Variants in VDAC3 observed in about 807,000 individuals in gnomAD.
The protein encoded by VDAC3 is voltage dependent anion channel 3.
A neutral mutation model predicts 33.9 loss-of-function variants in VDAC3; 7 were observed. That is an observed-to-expected ratio of 0.21 (90% CI 0.12 to 0.39). VDAC3 has a LOEUF of 0.39. VDAC3 is among the 10% of genes least tolerant of loss of function. The pLI is 1.00. For missense variants in VDAC3, 261 were observed against 334.5 expected, an observed-to-expected ratio of 0.78 and a Z score of 1.71; for synonymous variants, 100 against 122.4, an observed-to-expected ratio of 0.82 and a Z score of 1.21.
intron 4 of VDAC3, chr8:42,397,392 G>A (rs1344702968): frequency 6.6e-6 from 1 of 152,192 alleles, no homozygotes; most frequent in Non-Finnish European, 1.5e-5. Flanking sequence ...TGTAGAACTA[G>A]AGTTAGGGGA....
intron 5 of VDAC3, 159 bp from the exon 6 acceptor site, chr8:42,399,492 G>A (rs890121108): frequency 1.1e-5 from 6 of 551,026 alleles, no homozygotes; most frequent in African/African-American, 1.9e-5. Flanking sequence ...TGAGGGGACA[G>A]GAGGATGGAG....
chr8:42,394,219 A>G lies in VDAC3; in HGVS notation c.8A>G (p.Asn3Ser). MC[N>S]TPTYCDLGKA... ...TGTTTTTCTTTATAAGATATGTGTA[A>G]CACACCAACGTACTGTGACCTAGGA... Residue 3 changes from asparagine to serine, a missense_variant, in exon 3 of 10, where the codon AAC (asparagine) becomes AGC (serine). By Grantham distance (46) the Asn-to-Ser change is conservative (BLOSUM62 1). Transcript: ENST00000022615. 5 of 1,613,778 alleles carry G rather than the reference A, an allele frequency of 3.1e-6. No individual in the cohort carries two copies. Among genetic ancestry groups the G allele is most frequent in the Non-Finnish European group, 3.4e-6 (4 of 1,179,758 alleles).
chr8:42,403,531 T>G, intron 8 of VDAC3, 70 bp downstream of exon 8: 1 of 1,426,046 alleles, frequency 7.0e-7, no homozygotes, highest in Non-Finnish European at 9.5e-7. Context: ...TGTTGTGATA[T>G]GAGTGTAGTT....
chr8:42,404,782 G>A, intron 8 of VDAC3, 85 bp from the exon 9 acceptor site: 2 of 1,166,814 alleles, frequency 1.7e-6, no homozygotes, highest in East Asian at 2.5e-5. Context: ...TTTTAGCATT[G>A]GAAACCTAAT....
intron 6 of VDAC3, among the ~76,000 whole-genome samples, chr8:42,400,697 T>TG (rs1802401611): frequency 7.3e-6 from 1 of 137,146 alleles, no homozygotes; most frequent in East Asian, 2.1e-4. Flanking sequence ...TTTTTTTTTT[T>TG]GAGATGGAGT....
rs1456342332 is a variant in VDAC3 at position 42,404,816 on chromosome 8, A to G, written c.703-51A>G. ...ATGCACAAAGTGATGGTTATATTGG[A>G]CTGATCTGTAATTCACTGTTTTCTG... On this transcript the variant is annotated intron_variant, in intron 8 of 9. Coordinates refer to ENST00000022615, the MANE Select transcript of VDAC3 (RefSeq NM_005662.7). 2.0e-6 allele frequency: 3 copies of G among 1,504,928 alleles called. No individual in the cohort carries two copies. In the South Asian group the frequency reaches 3.4e-5, roughly 17 times the overall value. The allele number at this position is 1,504,928 out of a possible 1,614,324, so 93.2% of individuals were successfully genotyped here.
rs1563424275 is a variant in VDAC3 at position 42,405,678 on chromosome 8, C to T, written c.*216C>T. 6.0e-6 allele frequency: 3 copies of T among 502,960 alleles called. No homozygotes were observed. Among genetic ancestry groups the T allele is most frequent in the South Asian group, 2.3e-5 (1 of 43,934 alleles). The allele number at this position is 502,960 out of a possible 1,614,324, so 31.2% of individuals were successfully genotyped here. ...CCTGGAAGTTGTCATGTTTGTGCCA[C>T]GTTTCAGTTCAGTTCTGAAGTGTTA... On this transcript the variant is annotated 3_prime_UTR_variant, in exon 10 of 10. Coordinates refer to ENST00000022615, the MANE Select transcript of VDAC3 (RefSeq NM_005662.7).
rs925674402 is a variant in VDAC3, at chr8:42,405,741, A to G, written c.*279A>G. The G allele has an allele frequency of 3.2e-6, 1 of 316,208 alleles. No individual in the cohort carries two copies. Among genetic ancestry groups the G allele is most frequent in the Non-Finnish European group, 5.9e-6 (1 of 169,298 alleles). 19.6% of individuals were successfully genotyped at this position (316,208 alleles called of 1,614,324 possible). On this transcript the variant is annotated 3_prime_UTR_variant, in exon 10 of 10. Coordinates refer to ENST00000022615, the MANE Select transcript of VDAC3 (RefSeq NM_005662.7). ...CTCAGCGACAGTGTAGCGTCATGTT[A>G]GAGGAGACGATCTGACCCACCAGTT...
At chr8:42,393,478 T>C (rs1316220857) in intron 1 of VDAC3, among the ~76,000 whole-genome samples, 1 of 152,196 alleles carries the variant, frequency 6.6e-6, no homozygotes, top group Admixed American at 6.5e-5. Context: ...ATCAGCAGTG[T>C]TGATAGCTCT....
At chr8:42,405,042 T>C (rs918653510) in intron 9 of VDAC3, 118 bp downstream of exon 9, 1 of 938,294 alleles carries the variant, frequency 1.1e-6, no homozygotes, top group African/African-American at 1.7e-5. Flanking sequence ...TTTTGTAACA[T>C]TTGGTTGTTC....
At chr8:42,404,791 A>G (rs1224433458) in intron 8 of VDAC3, 76 bp from the exon 9 acceptor site, 10 of 1,297,840 alleles carry the variant, frequency 7.7e-6, no homozygotes, top group Non-Finnish European at 1.1e-5. Flanking sequence ...TGGAAACCTA[A>G]TGCACAAAGT....
chr8:42,400,426 T>C (rs1465395086), intron 6 of VDAC3, among the ~76,000 whole-genome samples: 12 of 152,020 alleles, frequency 7.9e-5, no homozygotes, highest in Non-Finnish European at 1.8e-4. Context: ...GGCTCTCAGA[T>C]GCTATAATGA....
Position 42,394,274 on chromosome 8 carries a change from A to T in VDAC3, c.63A>T (p.Gly21=), listed in dbSNP as rs570321186. The stretch of plus-strand genomic sequence containing the variant: ...CTGCTAAGGATGTCTTCAACAAAGG[A>T]TATGGTAAGTATGCTATTGTAACTT... The part of the protein sequence containing the change: ...GKAAKDVFNK[G]YGFGMVKIDL... The change falls in exon 3 of 10, where the codon GGA becomes GGT. Residue 21 remains glycine (G), a synonymous_variant. Coordinates refer to ENST00000022615, the MANE Select transcript of VDAC3 (RefSeq NM_005662.7). 3.1e-6 allele frequency: 5 copies of T among 1,613,198 alleles called. No homozygotes were observed. In the South Asian group the frequency reaches 3.3e-5, roughly 11 times the overall value.
At chr8:42,400,673 CTTT>C (rs1188886241) in intron 6 of VDAC3, among the ~76,000 whole-genome samples, 1 of 72,310 alleles carries the variant, frequency 1.4e-5, no homozygotes, top group South Asian at 5.1e-4. Flanking sequence ...ATATTCTTTT[CTTT>C]TTTTTTTTTT....
At chr8:42,398,935 A>C (rs1802368172) in intron 5 of VDAC3, 71 bp downstream of exon 5, 2 of 1,548,772 alleles carry the variant, frequency 1.3e-6, no homozygotes, top group African/African-American at 1.4e-5. Flanking sequence ...ACATACCCCA[A>C]ATATAATCAA....
Position 42,405,607 on chromosome 8 carries a change from G to A in VDAC3, c.*145G>A. ...GAATTGTAATCCTCCCCACACTGAAGTCTAGGGGTTGCGAATCCCTCCTGA... is the reference window on the plus strand; with the variant it reads ...GAATTGTAATCCTCCCCACACTGAAATCTAGGGGTTGCGAATCCCTCCTGA... On this transcript the variant is annotated 3_prime_UTR_variant, in exon 10 of 10. Coordinates refer to ENST00000022615, the MANE Select transcript of VDAC3 (RefSeq NM_005662.7). The A allele has an allele frequency of 1.5e-6, 1 of 680,942 alleles. No homozygotes were observed. Among genetic ancestry groups the A allele is most frequent in the Non-Finnish European group, 2.5e-6 (1 of 404,906 alleles). The allele number at this position is 680,942 out of a possible 1,614,324, so 42.2% of individuals were successfully genotyped here.
intron 5 of VDAC3, 89 bp downstream of exon 5, chr8:42,398,953 C>G: frequency 6.8e-7 from 1 of 1,467,474 alleles, no homozygotes. Flanking sequence ...CAAAAGAGAT[C>G]TTACAACCTA....
intron 7 of VDAC3, among the ~76,000 whole-genome samples, chr8:42,402,702 A>G: frequency 6.6e-6 from 1 of 152,372 alleles, no homozygotes; most frequent in African/African-American, 2.4e-5. Context: ...TAATTTACTT[A>G]TGATGGCTAA....
intron 4 of VDAC3, 49 bp downstream of exon 4, chr8:42,395,182 G>A (rs748494556): frequency 6.2e-7 from 1 of 1,608,744 alleles, no homozygotes; most frequent in Admixed American, 1.7e-5. Flanking sequence ...TAACTTAAAG[G>A]AATCTGTTTA....
Sources: gnomAD v4.1 joint callset for allele counts (sites outside exome capture counted in the v4.1 genomes callset) on GRCh38, gnomAD v4.1.1 for gene constraint, MANE v1.5 for transcripts, NCBI Gene and HGNC (gene_info 2026-07-23, HGNC 2026-07-21) for gene names.